FBXL13: variants seen among roughly 807,000 people sequenced by gnomAD.
The protein encoded by FBXL13 is F-box and leucine-rich repeat protein 13.
FBXL13 carries 67 observed loss-of-function variants against 83.6 expected under a neutral mutation model. That is an observed-to-expected ratio of 0.80 (90% CI 0.66 to 0.98). The LOEUF (loss-of-function observed/expected upper bound fraction) is 0.98. Among genes scored for constraint, FBXL13 ranks in the 50% least tolerant of loss-of-function variants. The pLI is 0.00. For missense variants in FBXL13, 822 were observed against 866.5 expected, an observed-to-expected ratio of 0.95 and a Z score of 0.64; for synonymous variants, 272 against 299.5, an observed-to-expected ratio of 0.91 and a Z score of 0.95.
chr7:103,068,254 G>A (rs890343117), intron 1 of FBXL13, among the ~76,000 whole-genome samples: 2 of 152,064 alleles, frequency 1.3e-5, no homozygotes, highest in Non-Finnish European at 2.9e-5. Context: ...CATAGAGATT[G>A]GTACATAATG....
chr7:102,870,924 T>A (rs938400723), intron 16 of FBXL13, among the ~76,000 whole-genome samples: 1 of 152,012 alleles, frequency 6.6e-6, no homozygotes, highest in Non-Finnish European at 1.5e-5. Flanking sequence ...TCTAAAAAAA[T>A]TTTTCTTTCT....
chr7:103,035,751 G>A (rs1335623755), intron 2 of FBXL13, among the ~76,000 whole-genome samples: 3 of 152,084 alleles, frequency 2.0e-5, no homozygotes, highest in African/African-American at 7.2e-5. Flanking sequence ...CCAGCATATT[G>A]TAATATTATT....
intron 5 of FBXL13, among the ~76,000 whole-genome samples, chr7:103,026,193 C>T (rs996014408): frequency 2.0e-5 from 3 of 151,966 alleles, no homozygotes; most frequent in African/African-American, 7.3e-5. Context: ...GGCTGGAGTG[C>T]AGTGGCGTGA....
intron 11 of FBXL13, among the ~76,000 whole-genome samples, chr7:102,909,582 AG>A (rs1218656321): frequency 6.6e-6 from 1 of 152,178 alleles, no homozygotes; most frequent in Non-Finnish European, 1.5e-5. Flanking sequence ...TCAGGGCCCA[AG>A]GGCTCTTCAG....
At chr7:103,017,044 C>A (rs971857759) in intron 6 of FBXL13, among the ~76,000 whole-genome samples, 1 of 152,210 alleles carries the variant, frequency 6.6e-6, no homozygotes, top group Non-Finnish European at 1.5e-5. Flanking sequence ...GGGTCCCTGA[C>A]CTCCGAGTAG....
chr7:103,010,615 CCA>C (rs1791503173), intron 6 of FBXL13, among the ~76,000 whole-genome samples: 1 of 152,060 alleles, frequency 6.6e-6, no homozygotes, highest in East Asian at 1.9e-4. Context: ...TCTGCCATTC[CCA>C]GTTTTGCATA....
At chr7:102,948,321 C>T (rs1364116346) in intron 8 of FBXL13, among the ~76,000 whole-genome samples, 1 of 152,148 alleles carries the variant, frequency 6.6e-6, no homozygotes, top group Admixed American at 6.5e-5. Flanking sequence ...ACCTCAGCTT[C>T]CCAATGTGCT....
At chr7:102,821,552 T>A (rs2129445577) in intron 19 of FBXL13, among the ~76,000 whole-genome samples, 1 of 152,292 alleles carries the variant, frequency 6.6e-6, no homozygotes, top group South Asian at 2.1e-4. Flanking sequence ...TAGTATTAAT[T>A]TTTCACATCT....
At chr7:102,888,256 A>G (rs1042959004) in intron 11 of FBXL13, among the ~76,000 whole-genome samples, 2 of 152,140 alleles carry the variant, frequency 1.3e-5, no homozygotes, top group African/African-American at 4.8e-5. Flanking sequence ...AAAGAATTCC[A>G]GGCTGGGTGC....
chr7:103,057,955 C>T (rs1360837946), intron 1 of FBXL13, among the ~76,000 whole-genome samples: 1 of 152,076 alleles, frequency 6.6e-6, no homozygotes, highest in Non-Finnish European at 1.5e-5. Context: ...TCTCTTGATC[C>T]TCTATTTCCA....
Position 102,822,219 on chromosome 7 carries a change from A to G in FBXL13, c.1855-16T>C. On this transcript the variant is annotated splice_polypyrimidine_tract_variant and intron_variant, in intron 18 of 19. Coordinates refer to ENST00000313221, the Ensembl canonical transcript of FBXL13. ...AGTCAGTAATCTGAACACAGAGCCA[A>G]AGTAAGTACTGGTTATTCAAACACT... The G allele has an allele frequency of 6.2e-7, 1 of 1,613,296 alleles. No homozygotes were observed. The highest frequency in any genetic ancestry group is 8.5e-7 in the Non-Finnish European group (1 of 1,179,450).
intron 18 of FBXL13, among the ~76,000 whole-genome samples, chr7:102,827,687 C>T (rs1339723808): frequency 6.6e-6 from 1 of 152,046 alleles, no homozygotes; most frequent in Admixed American, 6.6e-5. Context: ...TCCCGCCACC[C>T]CACAACAGGC....
At chr7:103,029,022 C>A (rs1182523308) in intron 3 of FBXL13, among the ~76,000 whole-genome samples, 1 of 151,916 alleles carries the variant, frequency 6.6e-6, no homozygotes, top group African/African-American at 2.4e-5. Context: ...AAAAGAACCA[C>A]CTAATGATGT....
At chr7:103,009,389 T>A (rs1791344059) in intron 6 of FBXL13, among the ~76,000 whole-genome samples, 1 of 152,182 alleles carries the variant, frequency 6.6e-6, no homozygotes, top group South Asian at 2.1e-4. Context: ...GACCAGCCTG[T>A]CTGGGCTCAG....
intron 6 of FBXL13, chr7:102,976,034 C>T (rs1043703642): frequency 2.1e-5 from 16 of 766,318 alleles, no homozygotes; most frequent in African/African-American, 1.0e-4. Context: ...GGCCATGCCC[C>T]CTCTGCGGAG....
intron 14 of FBXL13, among the ~76,000 whole-genome samples, chr7:102,882,726 C>A (rs1290438975): frequency 1.3e-5 from 2 of 151,948 alleles, no homozygotes; most frequent in African/African-American, 4.8e-5. Context: ...CGTGCCACTG[C>A]CCTCCAGCCT....
At chr7:103,051,641 T>C (rs967660539) in intron 2 of FBXL13, among the ~76,000 whole-genome samples, 11 of 152,198 alleles carry the variant, frequency 7.2e-5, no homozygotes, top group Admixed American at 6.5e-5. Flanking sequence ...GAATTAAATT[T>C]AAAGGAGTTT....
intron 18 of FBXL13, among the ~76,000 whole-genome samples, chr7:102,828,364 C>G (rs1425202727): frequency 1.5e-4 from 23 of 152,102 alleles, no homozygotes. Context: ...ATTTCTTTTC[C>G]TTATGACCAT....
chr7:102,915,984 CTT>C (rs1167962491), intron 10 of FBXL13, among the ~76,000 whole-genome samples: 22 of 143,844 alleles, frequency 1.5e-4, no homozygotes, highest in African/African-American at 2.5e-4. Flanking sequence ...TGAGTTTCTT[CTT>C]TTTTTTTTTT....
Sources: gnomAD v4.1 joint callset for allele counts (sites outside exome capture counted in the v4.1 genomes callset) on GRCh38, gnomAD v4.1.1 for gene constraint, MANE v1.5 for transcripts, NCBI Gene and HGNC (gene_info 2026-07-23, HGNC 2026-07-21) for gene names.